PCDHA6: variants seen among roughly 807,000 people sequenced by gnomAD.
PCDHA6 encodes protocadherin alpha 6, also known as protocadherin alpha-6.
PCDHA6 carries 55 observed loss-of-function variants against 60.3 expected under a neutral mutation model. That is an observed-to-expected ratio of 0.91 (90% CI 0.73 to 1.14). The LOEUF (loss-of-function observed/expected upper bound fraction) is 1.14, where lower values mean the gene tolerates loss of function less well. Among genes scored for constraint, PCDHA6 ranks in the 50% most tolerant of loss-of-function variants. PCDHA6 has a pLI of 0.00. For synonymous variants in PCDHA6, 652 were observed against 557.9 expected, an observed-to-expected ratio of 1.17 and a Z score of -2.38; for missense variants, 1,327 against 1,256.5, an observed-to-expected ratio of 1.06 and a Z score of -0.85.
intron 1 of PCDHA6, among the ~76,000 whole-genome samples, chr5:140,831,853 C>T (rs143262235): frequency 6.6e-6 from 1 of 152,240 alleles, no homozygotes; most frequent in East Asian, 1.9e-4. Context: ...TGTCATAAAG[C>T]TTTAGTAAGT....
At chr5:140,955,654 AT>A (rs1264049969) in intron 1 of PCDHA6, among the ~76,000 whole-genome samples, 1 of 152,208 alleles carries the variant, frequency 6.6e-6, no homozygotes, top group Non-Finnish European at 1.5e-5. Flanking sequence ...TAATACACAT[AT>A]GAATTTTAAC....
intron 1 of PCDHA6, among the ~76,000 whole-genome samples, chr5:140,840,092 G>T (rs1554137685): frequency 6.6e-6 from 1 of 151,972 alleles, no homozygotes; most frequent in Admixed American, 6.6e-5. Flanking sequence ...ACTTGTTGAA[G>T]ATTTTAGTGA....
intron 1 of PCDHA6, chr5:140,883,589 G>C (rs782300348): frequency 6.2e-7 from 1 of 1,614,014 alleles, no homozygotes; most frequent in Non-Finnish European, 8.5e-7. Context: ...CACGGCCAGC[G>C]TGTCGGTGGG....
At chr5:140,916,508 T>G (rs2077594251) in intron 1 of PCDHA6, among the ~76,000 whole-genome samples, 1 of 152,200 alleles carries the variant, frequency 6.6e-6, no homozygotes, top group Non-Finnish European at 1.5e-5. Context: ...GTGATTAATC[T>G]TGCCAAGACT....
chr5:140,882,558 G>T (rs782792864), intron 1 of PCDHA6: 16 of 1,614,130 alleles, frequency 9.9e-6, no homozygotes, highest in Non-Finnish European at 1.1e-5. Flanking sequence ...GAGCTGTGTG[G>T]GCGGAGCGCG....
At chr5:140,834,917 C>A in intron 1 of PCDHA6, 2 of 1,590,474 alleles carry the variant, frequency 1.3e-6, no homozygotes, top group Non-Finnish European at 1.7e-6. Flanking sequence ...ATGAGTATTT[C>A]TTCCTGGACG....
At chr5:140,835,655 G>A (rs1554135164) in intron 1 of PCDHA6, 2 of 1,613,800 alleles carry the variant, frequency 1.2e-6, no homozygotes, top group Non-Finnish European at 8.5e-7. Context: ...ATGAGCTGGT[G>A]GTTACCGCGC....
intron 1 of PCDHA6, chr5:140,930,101 G>A (rs782338185): frequency 9.2e-5 from 14 of 152,094 alleles, no homozygotes; most frequent in Non-Finnish European, 1.6e-4. Context: ...TATACTGATA[G>A]GAGATCATAT....
chr5:140,840,271 T>A (rs2150305298), intron 1 of PCDHA6, among the ~76,000 whole-genome samples: 3 of 152,098 alleles, frequency 2.0e-5, no homozygotes, highest in Non-Finnish European at 4.4e-5. Flanking sequence ...TTTTAATGAT[T>A]TGGGTTTTGG....
At chr5:140,867,018 T>C (rs1445969805) in intron 1 of PCDHA6, 1 of 152,176 alleles carries the variant, frequency 6.6e-6, no homozygotes, top group Non-Finnish European at 1.5e-5. Context: ...TCATACACTA[T>C]ATCAAACTCT....
chr5:140,954,290 G>T (rs2095014659), intron 1 of PCDHA6, among the ~76,000 whole-genome samples: 1 of 152,126 alleles, frequency 6.6e-6, no homozygotes, highest in Non-Finnish European at 1.5e-5. Flanking sequence ...ATTCCTTTGG[G>T]TACATACCCA....
intron 1 of PCDHA6, among the ~76,000 whole-genome samples, chr5:140,873,178 T>C (rs2054146585): frequency 6.6e-6 from 1 of 152,190 alleles, no homozygotes; most frequent in Non-Finnish European, 1.5e-5. Context: ...TTTTGTATCA[T>C]AATATTCATT....
chr5:140,839,198 C>T (rs1030704020), intron 1 of PCDHA6, among the ~76,000 whole-genome samples: 23 of 106,832 alleles, frequency 2.2e-4, no homozygotes, highest in Non-Finnish European at 4.1e-4. Flanking sequence ...CTATAAATAT[C>T]TTTGACCTTC....
intron 1 of PCDHA6, chr5:140,862,574 C>G (rs1338632403): frequency 4.1e-6 from 2 of 484,868 alleles, no homozygotes; most frequent in East Asian, 1.1e-4. Context: ...AATGCCCTGG[C>G]GTTCCAGCAG....
intron 1 of PCDHA6, among the ~76,000 whole-genome samples, chr5:140,844,419 T>C (rs1779369734): frequency 6.7e-6 from 1 of 149,576 alleles, no homozygotes; most frequent in South Asian, 2.1e-4. Flanking sequence ...AGACATGTTT[T>C]TTATTCTACA....
At position 140,834,666 on chromosome 5, in the gene PCDHA6, C is replaced by G. The variant is rs2150223813; in HGVS notation, c.2394+4181C>G. The G allele has an allele frequency of 1.1e-5, 17 of 1,614,250 alleles. No individual in the cohort carries two copies. In the East Asian group the frequency reaches 3.8e-4, roughly 36 times the overall value. On this transcript the variant is annotated intron_variant, in intron 1 of 3. Transcript: ENST00000529310. Reference sequence around the variant, plus strand: ...GAATTCTCGGATCGACCGCGAGGAGCTGTGCGGGCGGAGCGCGGAGTGCAG... The same window carrying G: ...GAATTCTCGGATCGACCGCGAGGAGGTGTGCGGGCGGAGCGCGGAGTGCAG...
intron 1 of PCDHA6, among the ~76,000 whole-genome samples, chr5:140,878,538 C>T (rs1001402199): frequency 3.9e-5 from 6 of 152,088 alleles, no homozygotes; most frequent in Non-Finnish European, 7.4e-5. Context: ...TGGCTCAAAC[C>T]AGTTTCAGAT....
intron 3 of PCDHA6, among the ~76,000 whole-genome samples, chr5:140,998,062 C>T (rs2097795439): frequency 6.6e-6 from 1 of 152,176 alleles, no homozygotes; most frequent in African/African-American, 2.4e-5. Flanking sequence ...TCATCATCAA[C>T]AGACTTAGCC....
Position 140,830,343 on chromosome 5 carries a change from CGCA to C in PCDHA6, c.2257_2259del (p.Gln753del). On this transcript the variant is annotated inframe_deletion, in exon 1 of 4. Transcript: ENST00000529310. ...AGCGCAGTGGGGAGCTGGTCGTACT[CGCA>C]GCAGAGGCGGCAGAGGGTGTGCTCC... is the stretch of plus-strand genomic sequence containing the variant. The C allele has an allele frequency of 6.2e-7, 1 of 1,614,058 alleles. No homozygotes were observed. The highest frequency in any genetic ancestry group is 8.5e-7 in the Non-Finnish European group (1 of 1,179,956).
Sources: gnomAD v4.1 joint callset for allele counts (sites outside exome capture counted in the v4.1 genomes callset) on GRCh38, gnomAD v4.1.1 for gene constraint, MANE v1.5 for transcripts, NCBI Gene and HGNC (gene_info 2026-07-23, HGNC 2026-07-21) for gene names.